Variants in NDST4 observed in about 807,000 individuals in gnomAD.
NDST4 encodes N-deacetylase and N-sulfotransferase 4, also known as N-heparan sulfate sulfotransferase 4.
In NDST4, 63 loss-of-function variants were observed where a neutral mutation model predicts 100.8. The observed-to-expected ratio is 0.62, with a 90% CI of 0.51 to 0.77. The LOEUF is 0.77. Ranked by LOEUF, NDST4 falls within the 30% of genes least tolerant of loss-of-function variation. The probability of loss-of-function intolerance (pLI) is 0.00; values close to 1 mark genes in which losing one functional copy is unlikely to be tolerated. For synonymous variants in NDST4, 377 were observed against 361.8 expected (o/e 1.04, Z -0.48); for missense variants, 943 against 1,018.4 (o/e 0.93, Z 1.01).
intron 6 of NDST4, among the ~76,000 whole-genome samples, chr4:114,898,670 T>G (rs1272237169): frequency 2.6e-5 from 4 of 152,228 alleles, no homozygotes; most frequent in Non-Finnish European, 5.9e-5. Flanking sequence ...TACACAAACA[T>G]GGAATAATTC....
Position 114,930,954 on chromosome 4 carries a change from A to C in NDST4, c.1536+4252T>G, listed in dbSNP as rs759718810. On this transcript the variant is annotated intron_variant, in intron 6 of 13. Transcript: ENST00000264363. ...CCCAAAAAAAAATTAGCAAATATTT[A>C]AAAAATAAGCTTCAGGTCATCCAAG... Among the ~76,000 whole-genome samples, 50 of 152,068 alleles carry C rather than the reference A, an allele frequency of 3.3e-4. 1 individual carries two copies. Among genetic ancestry groups the C allele is most frequent in the Non-Finnish European group, 7.1e-4 (48 of 67,954 alleles).
intron 6 of NDST4, chr4:114,935,000 C>A (rs1046867467): frequency 1.1e-5 from 3 of 263,510 alleles, no homozygotes; most frequent in African/African-American, 2.2e-5. Context: ...AAAGTAAAAA[C>A]CATGACTTTG....
chr4:114,925,807 GAAACATATTTGTCAAGA>G (rs1416778646), intron 6 of NDST4, among the ~76,000 whole-genome samples: 1 of 152,016 alleles, frequency 6.6e-6, no homozygotes, highest in African/African-American at 2.4e-5. Context: ...AGAGCCTATT[GAAACATATTTGTCAAGA>G]AAACAGAAAA....
At chr4:114,968,030 G>A (rs954023428) in intron 4 of NDST4, among the ~76,000 whole-genome samples, 2 of 152,072 alleles carry the variant, frequency 1.3e-5, no homozygotes, top group African/African-American at 2.4e-5. Flanking sequence ...AACCATCAAT[G>A]GAAGGTGAGG....
chr4:114,925,348 T>C (rs1170569624), intron 6 of NDST4, among the ~76,000 whole-genome samples: 1 of 152,178 alleles, frequency 6.6e-6, no homozygotes, highest in Non-Finnish European at 1.5e-5. Flanking sequence ...AATTACCTCA[T>C]CTATGCAGCT....
chr4:115,096,158 CCAAATCTACACTT>C, intron 1 of NDST4, among the ~76,000 whole-genome samples: 1 of 138,266 alleles, frequency 7.2e-6, no homozygotes, highest in Admixed American at 7.3e-5. Context: ...CCACTGTCCA[CCAAATCTACACTT>C]GCAATTCTGA....
chr4:115,072,345 A>C (rs1443695816), intron 2 of NDST4, among the ~76,000 whole-genome samples: 4 of 152,098 alleles, frequency 2.6e-5, no homozygotes, highest in Non-Finnish European at 4.4e-5. Flanking sequence ...AAAAATAGAA[A>C]AAAATTTTTA....
chr4:115,079,236 C>T (rs990509268), intron 1 of NDST4, among the ~76,000 whole-genome samples: 21 of 151,884 alleles, frequency 1.4e-4, no homozygotes, highest in African/African-American at 4.6e-4. Context: ...CCTGTAGTCC[C>T]AGCTACTCAA....
At chr4:115,002,044 C>T (rs373604118) in intron 2 of NDST4, among the ~76,000 whole-genome samples, 18 of 152,210 alleles carry the variant, frequency 1.2e-4, no homozygotes, top group African/African-American at 4.3e-4. Context: ...AGTTATGATG[C>T]TAGTATATGA....
intron 4 of NDST4, among the ~76,000 whole-genome samples, chr4:114,969,645 C>T (rs1726464700): frequency 6.6e-6 from 1 of 152,144 alleles, no homozygotes; most frequent in African/African-American, 2.4e-5. Context: ...AGGACATAAT[C>T]TCATTCTTTT....
rs1560845371 is a variant in NDST4, at chr4:114,986,817, TA to T, written c.979-9544del. ...ACATATATATATATATATATATATA[TA>T]TATATATATATATATTTTAATATAC... is the stretch of plus-strand genomic sequence containing the variant. On this transcript the variant is annotated intron_variant, in intron 2 of 13. Coordinates refer to ENST00000264363, the MANE Select transcript of NDST4 (RefSeq NM_022569.3). Among the ~76,000 whole-genome samples the T allele has an allele frequency of 3.1e-4, 39 of 124,868 alleles. 1 individual carries two copies. Among genetic ancestry groups the T allele is most frequent in the East Asian group, 1.7e-3 (7 of 4,214 alleles). The allele number at this position is 124,868 out of a possible 152,430, so 81.9% of individuals were successfully genotyped here.
chr4:114,906,884 A>G (rs1172152655), intron 6 of NDST4, among the ~76,000 whole-genome samples: 2 of 151,892 alleles, frequency 1.3e-5, no homozygotes, highest in Non-Finnish European at 2.9e-5. Flanking sequence ...TCAAGATTGG[A>G]CTCTTTTGCA....
intron 8 of NDST4, among the ~76,000 whole-genome samples, chr4:114,850,135 T>C (rs566582668): frequency 1.0e-3 from 156 of 152,058 alleles, no homozygotes; most frequent in African/African-American, 3.6e-3. Context: ...AATGAGAAAA[T>C]TGATAGTTTA....
chr4:114,905,480 A>C (rs994988925), intron 6 of NDST4, among the ~76,000 whole-genome samples: 2 of 151,932 alleles, frequency 1.3e-5, no homozygotes, highest in East Asian at 3.9e-4. Context: ...TTTTAAAAAA[A>C]TTTAGTTATA....
chr4:115,027,951 G>A (rs1728024656), intron 2 of NDST4, among the ~76,000 whole-genome samples: 1 of 151,974 alleles, frequency 6.6e-6, no homozygotes, highest in South Asian at 2.1e-4. Flanking sequence ...TACTCGAGAG[G>A]TTGAGGCAGG....
intron 6 of NDST4, among the ~76,000 whole-genome samples, chr4:114,897,279 G>A (rs72901204): frequency 0.15 from 23,151 of 151,890 alleles, 2,118 homozygotes; most frequent in African/African-American, 0.27. Flanking sequence ...TGATCTTTTT[G>A]CTGTCTCTAT....
chr4:115,085,513 G>A (rs1290530808), intron 1 of NDST4, among the ~76,000 whole-genome samples: 1 of 152,114 alleles, frequency 6.6e-6, no homozygotes, highest in Non-Finnish European at 1.5e-5. Flanking sequence ...ATTCCTACGT[G>A]TCATAGAAGG....
chr4:114,975,742 T>C (rs78784315), intron 3 of NDST4, among the ~76,000 whole-genome samples: 2,691 of 152,198 alleles, frequency 0.018, 74 homozygotes, highest in African/African-American at 0.06. Flanking sequence ...AATAGTATTG[T>C]TTGTATGTGA....
At chr4:115,047,690 A>G (rs1728493885) in intron 2 of NDST4, among the ~76,000 whole-genome samples, 1 of 152,224 alleles carries the variant, frequency 6.6e-6, no homozygotes, top group Non-Finnish European at 1.5e-5. Flanking sequence ...GTAAGTTGAC[A>G]TGAAGATTGC....
Sources: gnomAD v4.1 joint callset for allele counts (sites outside exome capture counted in the v4.1 genomes callset) on GRCh38, gnomAD v4.1.1 for gene constraint, MANE v1.5 for transcripts, NCBI Gene and HGNC (gene_info 2026-07-23, HGNC 2026-07-21) for gene names.